Variants in MEI4 observed in about 807,000 individuals in gnomAD.
The protein encoded by MEI4 is meiotic double-stranded break formation protein 4, also known as meiosis-specific protein MEI4.
A neutral mutation model predicts 31.4 loss-of-function variants in MEI4; 27 were observed. That is an observed-to-expected ratio of 0.86 (90% CI 0.63 to 1.19). MEI4 has a LOEUF of 1.19. Among genes scored for constraint, MEI4 ranks in the 50% most tolerant of loss-of-function variants. The pLI, the probability that MEI4 is intolerant of heterozygous loss-of-function variation, is 0.00. For missense variants in MEI4, 329 were observed against 398.9 expected (o/e 0.82, Z 1.49); for synonymous variants, 122 against 145.4 (o/e 0.84, Z 1.16).
intron 4 of MEI4, among the ~76,000 whole-genome samples, chr6:77,853,711 ACATGTATGTTT>A (rs1358734713): frequency 1.3e-5 from 2 of 152,160 alleles, no homozygotes; most frequent in African/African-American, 4.8e-5. Flanking sequence ...GTATCCCCTC[ACATGTATGTTT>A]CATGAATAGT....
Position 77,844,169 on chromosome 6 carries a change from TG to T in MEI4, c.900+15108del, listed in dbSNP as rs1316152515. Among the ~76,000 whole-genome samples the T allele has an allele frequency of 4.6e-5, 7 of 152,274 alleles. No homozygotes were observed. The East Asian group carries it at 1.4e-3, about 29-fold the overall frequency. ...AGAACAGATGCTGACATAGGCCTAA[TG>T]TCCCTACTGATGCTTATTAGAATGA... On this transcript the variant is annotated intron_variant, in intron 4 of 4. Transcript: ENST00000684080.
chr6:77,908,115 G>A (rs1422538680), intron 4 of MEI4, among the ~76,000 whole-genome samples: 1 of 151,654 alleles, frequency 6.6e-6, no homozygotes, highest in African/African-American at 2.4e-5. Context: ...TCACTCTGAT[G>A]GTAGTTTCTT....
At chr6:77,862,573 G>A (rs907050243) in intron 4 of MEI4, among the ~76,000 whole-genome samples, 11 of 152,206 alleles carry the variant, frequency 7.2e-5, no homozygotes, top group Non-Finnish European at 1.3e-4. Context: ...AAACAAAGCA[G>A]CCCAGAGCTC....
rs9448139 is a variant in MEI4 at position 77,683,453 on chromosome 6, G to A, written c.-14-7205G>A. 8.1e-3 allele frequency among the ~76,000 whole-genome samples: 1,226 copies of A among 152,180 alleles called. 14 individuals carry two copies. The highest frequency in any genetic ancestry group is 0.027 in the African/African-American group (1,110 of 41,534). On this transcript the variant is annotated intron_variant, in intron 1 of 4. Coordinates refer to ENST00000684080, the MANE Select transcript of MEI4 (RefSeq NM_001322247.2). ...TATTCTTTCAGGAATTTTCAAGTGTGCAAAACATTATTAACTATGTCACCA... is the reference window on the plus strand; with the variant it reads ...TATTCTTTCAGGAATTTTCAAGTGTACAAAACATTATTAACTATGTCACCA...
At chr6:77,880,564 T>C (rs1224454477) in intron 4 of MEI4, among the ~76,000 whole-genome samples, 1 of 152,196 alleles carries the variant, frequency 6.6e-6, no homozygotes, top group African/African-American at 2.4e-5. Flanking sequence ...TTTCCCAAAG[T>C]CTTAAGTTAA....
intron 2 of MEI4, among the ~76,000 whole-genome samples, chr6:77,744,555 A>G (rs1767525921): frequency 6.6e-6 from 1 of 152,206 alleles, no homozygotes; most frequent in Non-Finnish European, 1.5e-5. Context: ...TCAGGATATT[A>G]TCCAGGAGAA....
intron 2 of MEI4, among the ~76,000 whole-genome samples, chr6:77,756,624 CCT>C (rs149549601): frequency 5.0e-4 from 73 of 145,674 alleles, no homozygotes; most frequent in Non-Finnish European, 4.4e-4. Context: ...TCTCTCTCTC[CCT>C]CTCTCTCTCT....
chr6:77,791,537 G>C (rs1474124383), intron 3 of MEI4, among the ~76,000 whole-genome samples: 9 of 119,578 alleles, frequency 7.5e-5, no homozygotes, highest in African/African-American at 2.3e-4. Context: ...GTTGTGGGGT[G>C]GGGGGAGGGG....
At chr6:77,870,778 G>T (rs1316728149) in intron 4 of MEI4, among the ~76,000 whole-genome samples, 1 of 152,126 alleles carries the variant, frequency 6.6e-6, no homozygotes, top group Non-Finnish European at 1.5e-5. Flanking sequence ...AAGAAATGAA[G>T]TTTCCAAAAG....
intron 3 of MEI4, among the ~76,000 whole-genome samples, chr6:77,786,376 A>G (rs1344155002): frequency 6.6e-6 from 1 of 152,162 alleles, no homozygotes. Context: ...TATATTGAAT[A>G]AATCATTAAT....
chr6:77,840,375 A>G (rs928847157), intron 4 of MEI4, among the ~76,000 whole-genome samples: 2 of 152,196 alleles, frequency 1.3e-5, no homozygotes, highest in African/African-American at 2.4e-5. Flanking sequence ...ACCAAAAGGT[A>G]TAGCATATAT....
At chr6:77,676,410 C>A (rs1362843181) in intron 1 of MEI4, among the ~76,000 whole-genome samples, 1 of 151,964 alleles carries the variant, frequency 6.6e-6, no homozygotes, top group Non-Finnish European at 1.5e-5. Context: ...GCCTGTAGTT[C>A]TAGCTACTGG....
At chr6:77,894,347 A>T (rs755310976) in intron 4 of MEI4, among the ~76,000 whole-genome samples, 2 of 152,160 alleles carry the variant, frequency 1.3e-5, no homozygotes, top group Non-Finnish European at 2.9e-5. Flanking sequence ...AACAAACTTG[A>T]TTAAGAAAGG....
chr6:77,743,057 T>G (rs1582089542), intron 2 of MEI4, among the ~76,000 whole-genome samples: 1 of 152,250 alleles, frequency 6.6e-6, no homozygotes, highest in Admixed American at 6.5e-5. Flanking sequence ...GGTAGCGTGA[T>G]GCCTCCAGCT....
chr6:77,830,042 G>C (rs771636105), intron 4 of MEI4, among the ~76,000 whole-genome samples: 22 of 151,910 alleles, frequency 1.4e-4, no homozygotes, highest in Non-Finnish European at 2.5e-4. Flanking sequence ...TAAAAAGTAA[G>C]CTATATTTAC....
intron 2 of MEI4, among the ~76,000 whole-genome samples, chr6:77,743,731 A>T (rs1282061996): frequency 6.6e-6 from 1 of 152,186 alleles, no homozygotes; most frequent in African/African-American, 2.4e-5. Context: ...GTAGGGGCAG[A>T]CTGACACCTC....
intron 3 of MEI4, among the ~76,000 whole-genome samples, chr6:77,799,736 T>C (rs1769193306): frequency 6.6e-6 from 1 of 152,134 alleles, no homozygotes; most frequent in Non-Finnish European, 1.5e-5. Context: ...CCCAGCACCA[T>C]TTATTAAATA....
At position 77,681,340 on chromosome 6, in the gene MEI4, A is replaced by T. The variant is rs138446710; in HGVS notation, c.-14-9318A>T. ...GTAATTCATCAGACTTTTAAAATGT[A>T]CTCTACGAACAATATATTATCTTTG... On this transcript the variant is annotated intron_variant, in intron 1 of 4. Coordinates refer to ENST00000684080, the MANE Select transcript of MEI4 (RefSeq NM_001322247.2). 2.6e-3 allele frequency among the ~76,000 whole-genome samples: 391 copies of T among 152,340 alleles called. 2 individuals are homozygous for T. The highest frequency in any genetic ancestry group is 8.7e-3 in the African/African-American group (362 of 41,574).
chr6:77,862,526 G>T (rs1770893410), intron 4 of MEI4, among the ~76,000 whole-genome samples: 1 of 152,200 alleles, frequency 6.6e-6, no homozygotes, highest in Admixed American at 6.5e-5. Flanking sequence ...GATGCTGGGG[G>T]AGGGGCACCT....
Sources: gnomAD v4.1 joint callset for allele counts (sites outside exome capture counted in the v4.1 genomes callset) on GRCh38, gnomAD v4.1.1 for gene constraint, MANE v1.5 for transcripts, NCBI Gene and HGNC (gene_info 2026-07-23, HGNC 2026-07-21) for gene names.